PCDH15: variants seen among roughly 807,000 people sequenced by gnomAD.
The protein encoded by PCDH15 is protocadherin related 15.
A neutral mutation model predicts 178.5 loss-of-function variants in PCDH15; 129 were observed. The observed-to-expected ratio is 0.72, with a 90% CI of 0.63 to 0.84. The LOEUF (loss-of-function observed/expected upper bound fraction) is 0.84. PCDH15 is among the 40% of genes least tolerant of loss of function. PCDH15 has a pLI of 0.00. For synonymous variants in PCDH15, 800 were observed against 732.0 expected (o/e 1.09, Z -1.50); for missense variants, 2,230 against 2,099.9 (o/e 1.06, Z -1.21).
At chr10:54,877,088 C>A (rs972949036) in intron 3 of PCDH15, among the ~76,000 whole-genome samples, 1 of 152,112 alleles carries the variant, frequency 6.6e-6, no homozygotes, top group South Asian at 2.1e-4. Flanking sequence ...CAAGGTAATA[C>A]CTTCCAATGA....
At position 54,023,147 on chromosome 10, in the gene PCDH15, A is replaced by G; in HGVS notation, c.2271T>C (p.Gly757=). ...GINGQVHYSL[G]NFNNLFRITS... ...TGATACGAAAAAGATTATTAAAGTT[A>G]CCCAAACTGTAGTGCACTTGACCAT... The change falls in exon 19 of 38, where the codon GGT becomes GGC. Residue 757 remains glycine (G), a synonymous_variant. Coordinates refer to ENST00000644397, the MANE Select transcript of PCDH15 (RefSeq NM_001384140.1). The G allele has an allele frequency of 6.2e-7, 1 of 1,613,808 alleles. No homozygotes were observed. Among genetic ancestry groups the G allele is most frequent in the Non-Finnish European group, 8.5e-7 (1 of 1,179,882 alleles).
At chr10:55,197,528 A>C (rs1183755377) in intron 1 of PCDH15, among the ~76,000 whole-genome samples, 1 of 152,142 alleles carries the variant, frequency 6.6e-6, no homozygotes, top group Admixed American at 6.5e-5. Flanking sequence ...TTGAACCTTC[A>C]GATTCTTAAA....
chr10:54,250,666 T>C (rs942215365), intron 8 of PCDH15, among the ~76,000 whole-genome samples: 3 of 152,128 alleles, frequency 2.0e-5, no homozygotes, highest in Non-Finnish European at 4.4e-5. Flanking sequence ...AGCTAGACAT[T>C]TAAAAAGCAC....
intron 3 of PCDH15, among the ~76,000 whole-genome samples, chr10:54,465,083 T>C (rs2077427316): frequency 1.3e-5 from 2 of 152,156 alleles, no homozygotes; most frequent in Admixed American, 1.3e-4. Flanking sequence ...AAGTTTCACT[T>C]TTAATAATTA....
At chr10:53,975,580 T>C (rs2090118392) in intron 21 of PCDH15, among the ~76,000 whole-genome samples, 1 of 152,188 alleles carries the variant, frequency 6.6e-6, no homozygotes, top group Non-Finnish European at 1.5e-5. Context: ...ATGTTTTCTT[T>C]TGAGAAGTGT....
intron 25 of PCDH15, among the ~76,000 whole-genome samples, chr10:53,930,457 C>CAAAAAAAAAAAAAAAAAAAAA (rs60673116): frequency 2.0e-5 from 1 of 50,332 alleles, no homozygotes; most frequent in Non-Finnish European, 3.3e-5. Flanking sequence ...GACTCCCTCT[C>CAAAAAAAAAAAAAAAAAAAAA]AAAAAAAAAA....
intron 2 of PCDH15, among the ~76,000 whole-genome samples, chr10:55,061,130 G>A (rs1841418483): frequency 6.6e-6 from 1 of 151,924 alleles, no homozygotes; most frequent in African/African-American, 2.4e-5. Context: ...GCAAAAAAAT[G>A]AAAATATAAG....
At chr10:53,971,517 A>G (rs1018892967) in intron 21 of PCDH15, among the ~76,000 whole-genome samples, 8 of 152,206 alleles carry the variant, frequency 5.3e-5, no homozygotes, top group Non-Finnish European at 8.8e-5. Context: ...TTCAGATGAC[A>G]TGATTGTATA....
rs7093558 is a variant in PCDH15, at chr10:54,153,507, T to G, written c.1591-214A>C. ...AATCACAAAAATAAGAGTGATTTTGTTTTTTGTGAGAGTGATTAAGAAATA... is the reference window on the plus strand; with the variant it reads ...AATCACAAAAATAAGAGTGATTTTGGTTTTTGTGAGAGTGATTAAGAAATA... On this transcript the variant is annotated intron_variant, in intron 13 of 37. Transcript: ENST00000644397. 0.32 allele frequency among the ~76,000 whole-genome samples: 49,074 copies of G among 151,990 alleles called. 9,323 individuals carry two copies. The highest frequency in any genetic ancestry group is 0.52 in the African/African-American group (21,539 of 41,418).
chr10:54,343,422 C>A (rs1276782209), intron 6 of PCDH15, among the ~76,000 whole-genome samples: 2 of 152,030 alleles, frequency 1.3e-5, no homozygotes, highest in South Asian at 2.1e-4. Flanking sequence ...GAGGCCTTCC[C>A]AGCCATTTGG....
At chr10:54,048,489 A>G (rs1261918321) in intron 18 of PCDH15, among the ~76,000 whole-genome samples, 1 of 152,122 alleles carries the variant, frequency 6.6e-6, no homozygotes, top group Non-Finnish European at 1.5e-5. Flanking sequence ...TGATGTCCAG[A>G]ATGATATTTC....
intron 1 of PCDH15, among the ~76,000 whole-genome samples, chr10:54,668,415 G>A (rs746380676): frequency 1.3e-5 from 2 of 152,088 alleles, no homozygotes; most frequent in Non-Finnish European, 2.9e-5. Flanking sequence ...AATGCTATCC[G>A]ATAAAATAAC....
chr10:54,813,350 G>C (rs1488321790), intron 3 of PCDH15, among the ~76,000 whole-genome samples: 2 of 152,152 alleles, frequency 1.3e-5, no homozygotes, highest in East Asian at 1.9e-4. Context: ...CTGCTTAGTA[G>C]ATGTCTCCAT....
chr10:55,211,400 G>A (rs926045910), intron 1 of PCDH15, among the ~76,000 whole-genome samples: 3 of 152,078 alleles, frequency 2.0e-5, no homozygotes, highest in Non-Finnish European at 2.9e-5. Context: ...CTGTTGAAAT[G>A]TAATCATTTG....
intron 1 of PCDH15, among the ~76,000 whole-genome samples, chr10:55,222,483 GAT>G (rs1397883909): frequency 2.0e-5 from 3 of 151,782 alleles, no homozygotes; most frequent in Non-Finnish European, 2.9e-5. Context: ...CCAGGATTAT[GAT>G]ATGTCTGTCT....
rs914033866 is a variant in PCDH15 at position 54,952,884 on chromosome 10, G to A, written c.-79-55384C>T. Reference sequence around the variant, plus strand: ...GCTATATTCACATATAGTTTCAGAAGGGTTTTTTGTTGATTCTTTCACATT... The same window carrying A: ...GCTATATTCACATATAGTTTCAGAAAGGTTTTTTGTTGATTCTTTCACATT... On this transcript the variant is annotated intron_variant, in intron 2 of 5. Transcript: ENST00000458638. Among the ~76,000 whole-genome samples the A allele has an allele frequency of 2.0e-5, 3 of 151,314 alleles. No homozygotes were observed. The East Asian group carries it at 5.8e-4, about 29-fold the overall frequency.
At chr10:54,599,199 G>A (rs1042090711) in intron 2 of PCDH15, among the ~76,000 whole-genome samples, 7 of 151,906 alleles carry the variant, frequency 4.6e-5, no homozygotes, top group African/African-American at 1.7e-4. Flanking sequence ...AAATAATCAA[G>A]GGAATCTTAA....
chr10:53,915,866 A>G (rs1032214713), intron 25 of PCDH15, among the ~76,000 whole-genome samples: 4 of 152,028 alleles, frequency 2.6e-5, no homozygotes, highest in African/African-American at 4.8e-5. Context: ...CCGTATTTGT[A>G]TAATATATAA....
chr10:54,853,404 C>CACATACAT (rs1953676660), intron 3 of PCDH15, among the ~76,000 whole-genome samples: 1 of 89,810 alleles, frequency 1.1e-5, no homozygotes, highest in African/African-American at 3.6e-5. Context: ...TATACACACA[C>CACATACAT]ATATATATAC....
Sources: gnomAD v4.1 joint callset for allele counts (sites outside exome capture counted in the v4.1 genomes callset) on GRCh38, gnomAD v4.1.1 for gene constraint, MANE v1.5 for transcripts, NCBI Gene and HGNC (gene_info 2026-07-23, HGNC 2026-07-21) for gene names.